Variants in PIEZO2 observed in about 807,000 individuals in gnomAD.
PIEZO2 encodes the protein piezo-type mechanosensitive ion channel component 2.
In PIEZO2, 172 loss-of-function variants were observed where a neutral mutation model predicts 337.3. That is an observed-to-expected ratio of 0.51 (90% confidence interval 0.45 to 0.58). The LOEUF is 0.58. Among genes scored for constraint, PIEZO2 ranks in the 20% least tolerant of loss-of-function variants. The probability of loss-of-function intolerance (pLI) is 0.00; values close to 1 mark genes in which losing one functional copy is unlikely to be tolerated. For missense variants in PIEZO2, 3,028 were observed against 3,391.3 expected, an observed-to-expected ratio of 0.89 and a Z score of 2.66; for synonymous variants, 1,251 against 1,228.5, an observed-to-expected ratio of 1.02 and a Z score of -0.38.
At chr18:10,972,645 T>C (rs1347592002) in intron 3 of PIEZO2, among the ~76,000 whole-genome samples, 1 of 152,186 alleles carries the variant, frequency 6.6e-6, no homozygotes, top group Non-Finnish European at 1.5e-5. Flanking sequence ...TATAACAGCA[T>C]TGGCAAGAAA....
chr18:10,868,084 G>C (rs918410741), intron 5 of PIEZO2, among the ~76,000 whole-genome samples: 5 of 152,162 alleles, frequency 3.3e-5, no homozygotes, highest in African/African-American at 1.2e-4. Context: ...CACCAAACTT[G>C]AGCCTTATCA....
chr18:10,856,827 G>A lies in PIEZO2; in HGVS notation c.703+174C>T, dbSNP rs1431786909. Among the ~76,000 whole-genome samples, 3 of 151,718 alleles carry A rather than the reference G, an allele frequency of 2.0e-5. No homozygotes were observed. Among genetic ancestry groups the A allele is most frequent in the East Asian group, 1.9e-4 (1 of 5,148 alleles). On this transcript the variant is annotated intron_variant, in intron 6 of 55. Transcript: ENST00000674853. The surrounding 1 kb of genome is among the most constrained non-coding windows in gnomAD (Gnocchi z 4.7). The stretch of plus-strand genomic sequence containing the variant: ...AAAACATCAAAACTAGAACTAACCC[G>A]GAAAAATTATTTTGTGTGGTTTGTA...
intron 50 of PIEZO2, 75 bp from the exon 51 acceptor site, chr18:10,681,828 T>C: frequency 8.0e-7 from 1 of 1,251,198 alleles, no homozygotes; most frequent in Non-Finnish European, 1.2e-6. Context: ...GAAAAACATT[T>C]ATGTAGGATA....
At chr18:10,796,104 C>CCTGT (rs1377407717) in intron 12 of PIEZO2, among the ~76,000 whole-genome samples, 1 of 151,968 alleles carries the variant, frequency 6.6e-6, no homozygotes, top group Non-Finnish European at 1.5e-5. Flanking sequence ...GTGACTCATG[C>CCTGT]CTGTAATCCC....
In PIEZO2 at chr18:10,715,694, C is replaced by A; in HGVS notation, c.5212G>T (p.Val1738Phe). 6.5e-7 allele frequency: 1 copy of A among 1,536,858 alleles called. No individual in the cohort carries two copies. The highest frequency in any genetic ancestry group is 8.7e-7 in the Non-Finnish European group (1 of 1,146,742). The change falls in exon 38 of 56, where the codon GTT becomes TTT. Residue 1738 changes from valine (V) to phenylalanine (F), a missense_variant. Physicochemically the swap from Val to Phe is conservative, Grantham distance 50. Coordinates refer to ENST00000674853, the MANE Select transcript of PIEZO2 (RefSeq NM_001378183.1). The stretch of plus-strand genomic sequence containing the variant: ...AGCATGCATCGTTCAATTCTCAGAA[C>A]TGTAGATATATCAATATGCTCCCTT... ...ISREHIDIST[V>F]LRIERCMLTR...
At chr18:10,900,973 T>C (rs1295677681) in intron 4 of PIEZO2, among the ~76,000 whole-genome samples, 1 of 152,206 alleles carries the variant, frequency 6.6e-6, no homozygotes, top group Non-Finnish European at 1.5e-5. Flanking sequence ...CAATTCTTCA[T>C]GCAACAATGT....
chr18:10,935,099 T>C (rs2032311411), intron 3 of PIEZO2, among the ~76,000 whole-genome samples: 1 of 152,208 alleles, frequency 6.6e-6, no homozygotes, highest in African/African-American at 2.4e-5. Context: ...CGTCCTTACC[T>C]AATTCCATTA....
chr18:10,889,889 G>A (rs145448480), intron 4 of PIEZO2, among the ~76,000 whole-genome samples: 3 of 152,274 alleles, frequency 2.0e-5, no homozygotes, highest in African/African-American at 7.2e-5. Context: ...ACCTTTCCAG[G>A]GGCTCCCCAT....
intron 7 of PIEZO2, among the ~76,000 whole-genome samples, chr18:10,839,509 T>C (rs1289090050): frequency 6.6e-6 from 1 of 152,228 alleles, no homozygotes; most frequent in African/African-American, 2.4e-5. Context: ...TAAGCCCTTA[T>C]GCCGATGATT....
intron 51 of PIEZO2, 95 bp from the exon 52 acceptor site, chr18:10,680,466 A>C (rs2034215736): frequency 4.2e-6 from 5 of 1,181,910 alleles, no homozygotes; most frequent in Non-Finnish European, 6.0e-6. Flanking sequence ...CAGTATGGAA[A>C]AGGTTTCTCC....
At chr18:10,998,415 A>G (rs2035409757) in intron 2 of PIEZO2, among the ~76,000 whole-genome samples, 1 of 151,750 alleles carries the variant, frequency 6.6e-6, no homozygotes, top group African/African-American at 2.4e-5. Context: ...TAATTCATGG[A>G]ATTTCTAGAA....
At chr18:11,118,709 T>G (rs1023894038) in intron 1 of PIEZO2, among the ~76,000 whole-genome samples, 3 of 152,058 alleles carry the variant, frequency 2.0e-5, no homozygotes, top group Non-Finnish European at 2.9e-5. Flanking sequence ...GTTTTTAACT[T>G]AATAAGTTGG....
rs2865118 is a variant in PIEZO2, at chr18:10,759,963, G to A, written c.3451-54C>T. 0.8 allele frequency: 1,179,089 copies of A among 1,471,156 alleles called. 473,683 individuals carry two copies. Among genetic ancestry groups the A allele is most frequent in the East Asian group, 0.91 (36,588 of 40,406 alleles). 91.1% of individuals were successfully genotyped at this position (1,471,156 alleles called of 1,614,324 possible). On this transcript the variant is annotated intron_variant, in intron 24 of 55. Coordinates refer to ENST00000674853, the MANE Select transcript of PIEZO2 (RefSeq NM_001378183.1). This position sits in a 1 kb window ranked among gnomAD's most constrained non-coding sequence, Gnocchi z 5.5. ...AAAAAATCAGGCATATGGGAAAGGG[G>A]ACTGGTGATAGGTGTCAGGTCTGTG...
intron 1 of PIEZO2, among the ~76,000 whole-genome samples, chr18:11,085,906 T>C (rs1302264804): frequency 4.0e-5 from 6 of 150,542 alleles, no homozygotes; most frequent in Admixed American, 3.3e-4. Context: ...GTAGGGGGTA[T>C]AATGGAAACC....
At position 10,940,665 on chromosome 18, in the gene PIEZO2, C is replaced by A. The variant is rs529685810; in HGVS notation, c.287-29437G>T. 6.6e-6 allele frequency among the ~76,000 whole-genome samples: 1 copy of A among 152,298 alleles called. No homozygotes were observed. The highest frequency in any genetic ancestry group is 1.5e-5 in the Non-Finnish European group (1 of 68,028). On this transcript the variant is annotated intron_variant, in intron 3 of 55. Transcript: ENST00000674853. This position sits in a 1 kb window ranked among gnomAD's most constrained non-coding sequence, Gnocchi z 5.3. ...GCTCACAAGGCCAAGTGATTGAGAC[C>A]ATCCTAGCCAACATGGTGAAACCCT...
Position 11,097,500 on chromosome 18 carries a change from G to T in PIEZO2, c.65-31278C>A, listed in dbSNP as rs559170083. 7.7e-4 allele frequency among the ~76,000 whole-genome samples: 117 copies of T among 152,322 alleles called. 2 individuals carry two copies. Among genetic ancestry groups the T allele is most frequent in the South Asian group, 4.1e-3 (20 of 4,828 alleles). ...ACTACAGAGAAAGCCCTGAACTGGG[G>T]AGCCCTCTGACCAGAAAACACAGGG... On this transcript the variant is annotated intron_variant, in intron 1 of 55. Transcript: ENST00000674853. This position sits in a 1 kb window ranked among gnomAD's most constrained non-coding sequence, Gnocchi z 5.0.
chr18:10,704,305 C>G (rs1027573954), intron 42 of PIEZO2, 89 bp downstream of exon 42: 1 of 1,466,856 alleles, frequency 6.8e-7, no homozygotes, highest in Non-Finnish European at 9.1e-7. Flanking sequence ...AGGGCAGGCC[C>G]GTCTCAAGAG....
At position 10,949,073 on chromosome 18, in the gene PIEZO2, A is replaced by G. The variant is rs58714635; in HGVS notation, c.286+30462T>C. Among the ~76,000 whole-genome samples the G allele has an allele frequency of 1.9e-3, 293 of 152,368 alleles. 1 individual carries two copies. Among genetic ancestry groups the G allele is most frequent in the African/African-American group, 6.9e-3 (285 of 41,592 alleles). ...CTGAATATTAGAACCCTGAGTATTCATCATACAGAAATGGTCATTTGTTGG... is the reference window on the plus strand; with the variant it reads ...CTGAATATTAGAACCCTGAGTATTCGTCATACAGAAATGGTCATTTGTTGG... On this transcript the variant is annotated intron_variant, in intron 3 of 55. Transcript: ENST00000674853.
chr18:11,013,983 A>G (rs2035993965), intron 2 of PIEZO2, among the ~76,000 whole-genome samples: 1 of 152,214 alleles, frequency 6.6e-6, no homozygotes, highest in Non-Finnish European at 1.5e-5. Flanking sequence ...AGACCTTGCA[A>G]TGGGGCTGAA....
Sources: allele counts gnomAD v4.1 joint callset (sites outside exome capture counted in the v4.1 genomes callset), GRCh38; gene constraint gnomAD v4.1.1; non-coding constraint Gnocchi (gnomAD v3.1); transcripts MANE v1.5; gene names NCBI Gene and HGNC (gene_info 2026-07-23, HGNC 2026-07-21).